The following NPLOC4 variants were observed in gnomAD, a reference collection of about 807,000 sequenced individuals.
The protein encoded by NPLOC4 is NPL4 homolog, ubiquitin recognition factor.
Under a neutral mutation model 80.6 loss-of-function variants are expected in NPLOC4, and 18 were observed. The ratio of observed to expected loss-of-function variants is 0.22; its 90% CI spans 0.15 to 0.33. The LOEUF is 0.33. NPLOC4 is among the 10% of genes least tolerant of loss of function. NPLOC4 has a pLI of 1.00. For missense variants in NPLOC4, 540 were observed against 786.1 expected, an observed-to-expected ratio of 0.69 and a Z score of 3.74; for synonymous variants, 313 against 301.5, an observed-to-expected ratio of 1.04 and a Z score of -0.39.
chr17:81,582,794 G>C (rs1000325207), intron 12 of NPLOC4, among the ~76,000 whole-genome samples: 1 of 152,252 alleles, frequency 6.6e-6, no homozygotes, highest in African/African-American at 2.4e-5. Flanking sequence ...GTCCCTGTGT[G>C]ATGGGCAGGA....
chr17:81,609,255 T>C (rs1361811629), intron 5 of NPLOC4, among the ~76,000 whole-genome samples: 1 of 152,158 alleles, frequency 6.6e-6, no homozygotes, highest in Non-Finnish European at 1.5e-5. Context: ...CCTGACCTCA[T>C]GATCCACCCG....
At chr17:81,618,598 C>CT (rs1016320173) in intron 3 of NPLOC4, among the ~76,000 whole-genome samples, 19 of 145,306 alleles carry the variant, frequency 1.3e-4, no homozygotes, top group African/African-American at 4.9e-4. Flanking sequence ...GGTCAGCCCC[C>CT]GCCCAGCCAG....
chr17:81,581,374 A>AAGT lies in NPLOC4; in HGVS notation c.1281+7569_1281+7570insACT, dbSNP rs2034435460. Among the ~76,000 whole-genome samples, 5 of 62,846 alleles carry AAGT rather than the reference A, an allele frequency of 8.0e-5. 2 individuals are homozygous for AAGT. Among genetic ancestry groups the AAGT allele is most frequent in the Non-Finnish European group, 2.2e-4 (5 of 22,456 alleles). 41.2% of individuals were successfully genotyped at this position (62,846 alleles called of 152,430 possible). A position where few individuals can be genotyped will look rare whatever the true frequency, so the allele number is the denominator to read the frequency against. The stretch of plus-strand genomic sequence containing the variant: ...AAAAAAAAAAAAAAAAAAAAAAAAA[A>AAGT]AAGTTAATAAAATCACCATGTCACA... On this transcript the variant is annotated intron_variant, in intron 12 of 16. Transcript: ENST00000331134.
intron 5 of NPLOC4, 94 bp downstream of exon 5, chr17:81,610,116 A>G (rs1238869300): frequency 8.8e-7 from 1 of 1,134,096 alleles, no homozygotes; most frequent in Non-Finnish European, 1.3e-6. Context: ...CACTCACTAC[A>G]GCCAAGTGCG....
chr17:81,596,022 T>C (rs1448921915), intron 11 of NPLOC4, 94 bp downstream of exon 11: 2 of 1,287,542 alleles, frequency 1.6e-6, no homozygotes, highest in Non-Finnish European at 1.1e-6. Context: ...GAAAGTCCAG[T>C]ATAACTAAGT....
chr17:81,585,617 G>T (rs200619979), intron 12 of NPLOC4, among the ~76,000 whole-genome samples: 1 of 145,902 alleles, frequency 6.9e-6, no homozygotes, highest in East Asian at 2.2e-4. Flanking sequence ...GCCGAGATCA[G>T]GCCACTGCAC....
intron 12 of NPLOC4, among the ~76,000 whole-genome samples, chr17:81,576,837 G>C (rs1447433407): frequency 6.6e-6 from 1 of 152,150 alleles, no homozygotes; most frequent in Non-Finnish European, 1.5e-5. Flanking sequence ...GGCCTGCCTG[G>C]TCCTTGCCAG....
chr17:81,606,752 A>G lies in NPLOC4; in HGVS notation c.593T>C (p.Leu198Pro), dbSNP rs764783455. ...AGTACAGATGCCATTCGGCCACGGG[A>G]GGTGCCCCTCGCACCCTGACTTAAT... ...CKIKSGCEGHLPWPNGICTKC... is the reference protein window; with the variant it reads ...CKIKSGCEGHPPWPNGICTKC... Residue 198 changes from leucine to proline, a missense_variant, in exon 7 of 17, where the codon CTC becomes CCC. Physicochemically the swap from Leu to Pro is moderately conservative, Grantham distance 98. Coordinates refer to ENST00000331134, the MANE Select transcript of NPLOC4 (RefSeq NM_017921.4). The G allele has an allele frequency of 2.7e-5, 44 of 1,613,720 alleles. No individual in the cohort carries two copies. Among genetic ancestry groups the G allele is most frequent in the Non-Finnish European group, 3.6e-5 (42 of 1,179,796 alleles).
intron 12 of NPLOC4, among the ~76,000 whole-genome samples, chr17:81,579,546 T>A (rs2144096527): frequency 6.6e-6 from 1 of 152,172 alleles, no homozygotes; most frequent in East Asian, 1.9e-4. Flanking sequence ...TGGCTTCCTG[T>A]GAGCAAGCTG....
chr17:81,629,197 T>TC (rs1369196523), intron 2 of NPLOC4, among the ~76,000 whole-genome samples: 1 of 148,608 alleles, frequency 6.7e-6, no homozygotes, highest in East Asian at 2.0e-4. Flanking sequence ...AAATACTTTT[T>TC]TTTTTTTTTT....
At chr17:81,593,889 G>A (rs756398849) in intron 11 of NPLOC4, among the ~76,000 whole-genome samples, 11 of 152,060 alleles carry the variant, frequency 7.2e-5, no homozygotes, top group Non-Finnish European at 1.6e-4. Flanking sequence ...AACAGGTTCT[G>A]TAATGCAGAA....
chr17:81,575,255 A>G (rs1010894682), intron 12 of NPLOC4, among the ~76,000 whole-genome samples: 2 of 152,050 alleles, frequency 1.3e-5, no homozygotes, highest in Admixed American at 1.3e-4. Context: ...GCCCGCCACC[A>G]CGCCCGGCTA....
intron 11 of NPLOC4, among the ~76,000 whole-genome samples, chr17:81,594,007 C>T (rs1370446886): frequency 1.3e-5 from 2 of 152,194 alleles, no homozygotes; most frequent in Non-Finnish European, 2.9e-5. Flanking sequence ...GGCGCAGTGG[C>T]TCACGCCTGT....
intron 7 of NPLOC4, among the ~76,000 whole-genome samples, chr17:81,605,205 C>T (rs529749898): frequency 2.4e-3 from 366 of 149,512 alleles, no homozygotes; most frequent in Non-Finnish European, 3.4e-3. Flanking sequence ...GGCGTGAACC[C>T]GGGAGGTGGA....
rs1425544401 is a variant in NPLOC4 at position 81,617,833 on chromosome 17, AT to A, written c.209+4332del. ...GCCGCCACGCCTGACTGGTTTTCGT[AT>A]TTTTTTGGTGGAGATGGGGTTTCGC... On this transcript the variant is annotated intron_variant, in intron 3 of 16. Transcript: ENST00000331134. Among the ~76,000 whole-genome samples, 7 of 151,948 alleles carry A rather than the reference AT, an allele frequency of 4.6e-5. No individual in the cohort carries two copies. The South Asian group carries it at 8.3e-4, about 18-fold the overall frequency.
chr17:81,576,081 G>A (rs1252821308), intron 12 of NPLOC4, among the ~76,000 whole-genome samples: 4 of 152,190 alleles, frequency 2.6e-5, no homozygotes, highest in Admixed American at 1.3e-4. Context: ...CACAGAGGAC[G>A]ATGACCAGAA....
At chr17:81,624,611 C>CA (rs1309379951) in intron 2 of NPLOC4, among the ~76,000 whole-genome samples, 1 of 150,680 alleles carries the variant, frequency 6.6e-6, no homozygotes, top group Non-Finnish European at 1.5e-5. Context: ...AAAAGAAAAA[C>CA]AAAAAAAAGA....
rs550657119 is a variant in NPLOC4 at position 81,609,655 on chromosome 17, A to C, written c.435+555T>G. Among the ~76,000 whole-genome samples the C allele has an allele frequency of 5.3e-5, 8 of 152,328 alleles. No homozygotes were observed. In the South Asian group the frequency reaches 1.7e-3, roughly 32 times the overall value. On this transcript the variant is annotated intron_variant, in intron 5 of 16. Coordinates refer to ENST00000331134, the MANE Select transcript of NPLOC4 (RefSeq NM_017921.4). ...CAGTTATCTTTTCAAGATTAAAATG[A>C]ATCTCTATTAAACACAAAACGCTCT...
chr17:81,629,754 T>C lies in NPLOC4; in HGVS notation c.67A>G (p.Arg23Gly). The change falls in exon 2 of 17, where the codon AGA (arginine) becomes GGA (glycine). Residue 23 changes from arginine (R) to glycine (G), a missense_variant. By Grantham distance (125) the Arg-to-Gly change is moderately radical. Transcript: ENST00000331134. ...DGVKRITATK[R>G]ETAATFLKKV... ...TTCAAAAATGTTGCTGCTGTTTCTC[T>C]CTTTGTTGCTGTGATCCGCTTCACT... 1 of 1,613,928 alleles carries C rather than the reference T, an allele frequency of 6.2e-7. No individual in the cohort carries two copies. Among genetic ancestry groups the C allele is most frequent in the Non-Finnish European group, 8.5e-7 (1 of 1,179,820 alleles).
Sources: allele counts gnomAD v4.1 joint callset (sites outside exome capture counted in the v4.1 genomes callset), GRCh38; gene constraint gnomAD v4.1.1; transcripts MANE v1.5; gene names NCBI Gene and HGNC (gene_info 2026-07-23, HGNC 2026-07-21).